The following CNTN5 variants were observed in gnomAD, a reference collection of about 807,000 sequenced individuals.
CNTN5 encodes contactin 5.
A neutral mutation model predicts 129.1 loss-of-function variants in CNTN5; 77 were observed. The observed-to-expected ratio is 0.60, with a 90% CI of 0.50 to 0.72. CNTN5 has a LOEUF of 0.72. Among genes scored for constraint, CNTN5 ranks in the 30% least tolerant of loss-of-function variants. The probability of loss-of-function intolerance (pLI) is 0.00; values close to 1 mark genes in which losing one functional copy is unlikely to be tolerated. For missense variants in CNTN5, 1,478 were observed against 1,328.8 expected, an observed-to-expected ratio of 1.11 and a Z score of -1.75; for synonymous variants, 509 against 465.6, an observed-to-expected ratio of 1.09 and a Z score of -1.20.
intron 6 of CNTN5, among the ~76,000 whole-genome samples, chr11:99,856,475 T>C (rs1329962697): frequency 1.3e-5 from 2 of 152,152 alleles, no homozygotes; most frequent in African/African-American, 4.8e-5. Context: ...GAAGTTATGT[T>C]TGTGGTGCCT....
chr11:99,593,904 T>C (rs1323876529), intron 3 of CNTN5, among the ~76,000 whole-genome samples: 1 of 152,224 alleles, frequency 6.6e-6, no homozygotes, highest in African/African-American at 2.4e-5. Flanking sequence ...CACTGGAATG[T>C]GCCAATTATC....
Position 99,655,925 on chromosome 11 carries a change from TACAA to T in CNTN5, c.55+99658_55+99661del, listed in dbSNP as rs141014133. Reference sequence around the variant, plus strand: ...GCTCCACAATAATACACGCATAAAATACAAATATATACACACACGTGTATATACA... The same window carrying T: ...GCTCCACAATAATACACGCATAAAATATATATACACACACGTGTATATACA... On this transcript the variant is annotated intron_variant, in intron 3 of 24. Transcript: ENST00000524871. Among the ~76,000 whole-genome samples, 339 of 152,038 alleles carry T rather than the reference TACAA, an allele frequency of 2.2e-3. 1 individual carries two copies. The highest frequency in any genetic ancestry group is 7.4e-3 in the African/African-American group (309 of 41,496).
intron 2 of CNTN5, among the ~76,000 whole-genome samples, chr11:99,331,550 G>T (rs1865999763): frequency 6.6e-6 from 1 of 151,998 alleles, no homozygotes; most frequent in African/African-American, 2.4e-5. Context: ...ACACAATTGT[G>T]ACAAAACACC....
intron 1 of CNTN5, among the ~76,000 whole-genome samples, chr11:99,154,150 A>G (rs1238643473): frequency 6.6e-6 from 1 of 152,132 alleles, no homozygotes; most frequent in Non-Finnish European, 1.5e-5. Context: ...GTGACACTGT[A>G]GTGGGGTACA....
rs571721365 is a variant in CNTN5, at chr11:99,457,017, C to T, written c.-70-99128C>T. Among the ~76,000 whole-genome samples, 4 of 151,958 alleles carry T rather than the reference C, an allele frequency of 2.6e-5. No individual in the cohort carries two copies. In the South Asian group the frequency reaches 8.3e-4, roughly 32 times the overall value. On this transcript the variant is annotated intron_variant, in intron 2 of 24. Transcript: ENST00000524871. ...AAAAGAAGACCAGCAAGGCCCTTGCCCTAACAGAATTTAAACTCTAATCAA... is the reference window on the plus strand; with the variant it reads ...AAAAGAAGACCAGCAAGGCCCTTGCTCTAACAGAATTTAAACTCTAATCAA...
intron 2 of CNTN5, among the ~76,000 whole-genome samples, chr11:99,437,707 C>G (rs950068426): frequency 3.9e-5 from 6 of 152,134 alleles, no homozygotes; most frequent in Non-Finnish European, 7.4e-5. Context: ...CCTGTAATCC[C>G]AGCTACTCAG....
rs561055600 is a variant in CNTN5 at position 99,361,647 on chromosome 11, C to T, written c.-71+36163C>T. Among the ~76,000 whole-genome samples, 4 of 152,154 alleles carry T rather than the reference C, an allele frequency of 2.6e-5. No homozygotes were observed. In the South Asian group the frequency reaches 8.3e-4, roughly 32 times the overall value. ...CCATTAAACAATGACTTCCCAATTTCTTTTTCCCCCAACATTTTGTACCCT... is the reference window on the plus strand; with the variant it reads ...CCATTAAACAATGACTTCCCAATTTTTTTTTCCCCCAACATTTTGTACCCT... On this transcript the variant is annotated intron_variant, in intron 2 of 24. Coordinates refer to ENST00000524871, the MANE Select transcript of CNTN5 (RefSeq NM_014361.4).
At chr11:99,924,224 A>G (rs1950008678) in intron 7 of CNTN5, among the ~76,000 whole-genome samples, 1 of 152,004 alleles carries the variant, frequency 6.6e-6, no homozygotes, top group Non-Finnish European at 1.5e-5. Context: ...GGCTGCTTGT[A>G]TGTTTTCTTT....
intron 13 of CNTN5, among the ~76,000 whole-genome samples, chr11:100,157,685 A>G (rs1490601522): frequency 6.6e-6 from 1 of 151,834 alleles, no homozygotes. Flanking sequence ...CAGAATATGA[A>G]GACAACTATG....
chr11:99,845,366 CT>C (rs869305728), intron 6 of CNTN5, 104 bp downstream of exon 6: 1,116 of 86,058 alleles, frequency 0.013, 2 homozygotes, highest in East Asian at 0.1. Flanking sequence ...GATCTCAAAT[CT>C]TTTTTTTTTT....
intron 21 of CNTN5, among the ~76,000 whole-genome samples, chr11:100,321,407 T>A (rs1417350609): frequency 6.6e-6 from 1 of 152,066 alleles, no homozygotes; most frequent in Non-Finnish European, 1.5e-5. Flanking sequence ...GATTTTTTTA[T>A]CTTGTAATTT....
chr11:100,067,664 G>A (rs1183078237), intron 10 of CNTN5, among the ~76,000 whole-genome samples: 1 of 151,696 alleles, frequency 6.6e-6, no homozygotes, highest in East Asian at 1.9e-4. Flanking sequence ...TTTCAATTTT[G>A]AGGGCAGTGT....
At chr11:99,825,905 T>C (rs1045079452) in intron 4 of CNTN5, among the ~76,000 whole-genome samples, 3 of 152,144 alleles carry the variant, frequency 2.0e-5, no homozygotes, top group Non-Finnish European at 4.4e-5. Flanking sequence ...AAATATAATA[T>C]AGAAATGTTA....
intron 3 of CNTN5, among the ~76,000 whole-genome samples, chr11:99,707,724 T>G (rs1377220252): frequency 6.6e-6 from 1 of 151,660 alleles, no homozygotes; most frequent in Non-Finnish European, 1.5e-5. Flanking sequence ...GTAAGAAATA[T>G]GCTTATATGA....
intron 1 of CNTN5, among the ~76,000 whole-genome samples, chr11:99,099,578 A>G (rs1469445136): frequency 6.9e-6 from 1 of 145,032 alleles, no homozygotes; most frequent in African/African-American, 2.6e-5. Context: ...ACACACACAC[A>G]CAGCATAGGC....
intron 9 of CNTN5, among the ~76,000 whole-genome samples, chr11:100,046,047 G>T (rs1942653414): frequency 6.7e-6 from 1 of 150,112 alleles, no homozygotes; most frequent in African/African-American, 2.5e-5. Flanking sequence ...ATGCTGGTGT[G>T]CTGCACCCAT....
At chr11:100,136,901 A>C (rs1301193679) in intron 13 of CNTN5, among the ~76,000 whole-genome samples, 2 of 151,972 alleles carry the variant, frequency 1.3e-5, no homozygotes, top group African/African-American at 2.4e-5. Flanking sequence ...AGAAAAGTCT[A>C]TGGTAATGTG....
At chr11:99,954,152 AAAAG>A (rs1289247814) in intron 7 of CNTN5, among the ~76,000 whole-genome samples, 1 of 152,188 alleles carries the variant, frequency 6.6e-6, no homozygotes, top group Non-Finnish European at 1.5e-5. Flanking sequence ...TAATAATAAA[AAAAG>A]AAAGTAAACT....
At chr11:100,078,553 G>T (rs1944238210) in intron 13 of CNTN5, among the ~76,000 whole-genome samples, 1 of 152,066 alleles carries the variant, frequency 6.6e-6, no homozygotes, top group South Asian at 2.1e-4. Flanking sequence ...GATTTGCAAA[G>T]CACTTTAACG....
Sources: allele counts gnomAD v4.1 joint callset (sites outside exome capture counted in the v4.1 genomes callset), GRCh38; gene constraint gnomAD v4.1.1; transcripts MANE v1.5; gene names NCBI Gene and HGNC (gene_info 2026-07-23, HGNC 2026-07-21).